AP2A2: variants seen among roughly 807,000 people sequenced by gnomAD.
AP2A2 encodes AP-2 complex subunit alpha-2.
In AP2A2, 32 loss-of-function variants were observed where a neutral mutation model predicts 104.2. The observed-to-expected ratio is 0.31, with a 90% CI of 0.23 to 0.41. AP2A2 has a LOEUF of 0.41. AP2A2 is among the 10% of genes least tolerant of loss of function. AP2A2 has a pLI of 1.00. For synonymous variants in AP2A2, 539 were observed against 533.3 expected, an observed-to-expected ratio of 1.01 and a Z score of -0.15; for missense variants, 912 against 1,261.0, an observed-to-expected ratio of 0.72 and a Z score of 4.19.
At chr11:1,006,401 C>T in intron 16 of AP2A2, 127 bp from the exon 17 acceptor site, 2 of 698,820 alleles carry the variant, frequency 2.9e-6, no homozygotes, top group East Asian at 2.7e-5. Context: ...ATTTTAACAA[C>T]AGTCATACAT....
chr11:979,523 T>G (rs921698256), intron 5 of AP2A2, among the ~76,000 whole-genome samples: 16 of 152,108 alleles, frequency 1.1e-4, no homozygotes, highest in Non-Finnish European at 1.9e-4. Context: ...TGAGGAGCCG[T>G]GGCACAGGGC....
In AP2A2 at chr11:1,011,615, G is replaced by A. The variant is rs544893312; in HGVS notation, c.*990G>A. 30 of 403,634 alleles carry A rather than the reference G, an allele frequency of 7.4e-5. No homozygotes were observed. The highest frequency in any genetic ancestry group is 7.2e-4 in the Admixed American group (25 of 34,714). 25.0% of individuals were successfully genotyped at this position (403,634 alleles called of 1,614,324 possible). A position where few individuals can be genotyped will look rare whatever the true frequency, so the allele number is the denominator to read the frequency against. On this transcript the variant is annotated 3_prime_UTR_variant, in exon 22 of 22. Coordinates refer to ENST00000448903, the MANE Select transcript of AP2A2 (RefSeq NM_012305.4). ...GCTGCACGTCTGACACCTGAGAGGC[G>A]AGAGAGTGGGGCCGGCCTAGGAGCC...
chr11:991,983 G>A (rs1167001061), intron 10 of AP2A2, among the ~76,000 whole-genome samples: 1 of 152,104 alleles, frequency 6.6e-6, no homozygotes, highest in Non-Finnish European at 1.5e-5. Flanking sequence ...TGCCTCCGGG[G>A]GGCACCCGTG....
Position 933,818 on chromosome 11 carries a change from T to C in AP2A2, c.67+7730T>C, listed in dbSNP as rs562377768. The stretch of plus-strand genomic sequence containing the variant: ...GACTTTCTGCCAGCTTTGCACGCTT[T>C]TTCCTGAAACATTGTTGGCAGAGGG... On this transcript the variant is annotated intron_variant, in intron 1 of 21. Coordinates refer to ENST00000448903, the MANE Select transcript of AP2A2 (RefSeq NM_012305.4). Among the ~76,000 whole-genome samples, 199 of 152,266 alleles carry C rather than the reference T, an allele frequency of 1.3e-3. 1 individual carries two copies. The highest frequency in any genetic ancestry group is 4.1e-3 in the African/African-American group (169 of 41,548).
chr11:936,449 A>T (rs1466349469), intron 1 of AP2A2, among the ~76,000 whole-genome samples: 1 of 151,996 alleles, frequency 6.6e-6, no homozygotes, highest in Non-Finnish European at 1.5e-5. Flanking sequence ...GCTGGAGTGC[A>T]ATGTTGCAAT....
rs182546969 is a variant in AP2A2 at position 933,919 on chromosome 11, C to T, written c.67+7831C>T. ...TTTTGGAGCCTGCACTTCCCCTTAC[C>T]TGGTGATTGGAGTGTGGGAATGGTT... is the stretch of plus-strand genomic sequence containing the variant. On this transcript the variant is annotated intron_variant, in intron 1 of 21. Coordinates refer to ENST00000448903, the MANE Select transcript of AP2A2 (RefSeq NM_012305.4). 2.6e-5 allele frequency among the ~76,000 whole-genome samples: 4 copies of T among 152,230 alleles called. No homozygotes were observed. In the East Asian group the frequency reaches 7.7e-4, roughly 29 times the overall value.
At chr11:942,292 C>T (rs1406412296) in intron 1 of AP2A2, 2 of 152,206 alleles carry the variant, frequency 1.3e-5, no homozygotes, top group Admixed American at 1.3e-4. Context: ...GCATGTATTT[C>T]TCAGTGGAAT....
chr11:930,461 G>C (rs1853253222), intron 1 of AP2A2, among the ~76,000 whole-genome samples: 1 of 151,452 alleles, frequency 6.6e-6, no homozygotes, highest in African/African-American at 2.4e-5. Flanking sequence ...TTAATAAACT[G>C]TTTCTTTTTT....
chr11:998,110 G>A (rs1231752054), intron 14 of AP2A2, among the ~76,000 whole-genome samples: 1 of 152,206 alleles, frequency 6.6e-6, no homozygotes, highest in Non-Finnish European at 1.5e-5. Flanking sequence ...CGCTGTCCCC[G>A]GCGTAGGGAG....
In AP2A2 at chr11:993,709, G is replaced by T. The variant is rs776829262; in HGVS notation, c.1551-45G>T. 6.8e-7 allele frequency: 1 copy of T among 1,471,298 alleles called. No individual in the cohort carries two copies. The allele number at this position is 1,471,298 out of a possible 1,614,324, so 91.1% of individuals were successfully genotyped here. On this transcript the variant is annotated intron_variant, in intron 12 of 21. Coordinates refer to ENST00000448903, the MANE Select transcript of AP2A2 (RefSeq NM_012305.4). The surrounding 1 kb of genome is among the most constrained non-coding windows in gnomAD (Gnocchi z 8.2). ...CCCCCGCGGGGGCGTGCTGCAGCCTGCGAGGGGACGACGGTGTCCCTGTGT... is the reference window on the plus strand; with the variant it reads ...CCCCCGCGGGGGCGTGCTGCAGCCTTCGAGGGGACGACGGTGTCCCTGTGT...
Position 981,272 on chromosome 11 carries a change from G to T in AP2A2, c.678G>T (p.Val226=). The change falls in exon 6 of 22, where the codon GTG becomes GTT. Residue 226 remains valine, a synonymous_variant. Transcript: ENST00000448903. ...ACCCAGAAGAGTTTAAAACCTCCGTGTCTCTGGCTGTCTCTAGGCTAAGCA... is the reference window on the plus strand; with the variant it reads ...ACCCAGAAGAGTTTAAAACCTCCGTTTCTCTGGCTGTCTCTAGGCTAAGCA... The part of the protein sequence containing the change: ...QKNPEEFKTS[V]SLAVSRLSRI... The T allele has an allele frequency of 6.2e-7, 1 of 1,613,192 alleles. No homozygotes were observed. Among genetic ancestry groups the T allele is most frequent in the Non-Finnish European group, 8.5e-7 (1 of 1,179,484 alleles).
At position 1,011,119 on chromosome 11, in the gene AP2A2, G is replaced by T; in HGVS notation, c.*494G>T. On this transcript the variant is annotated 3_prime_UTR_variant, in exon 22 of 22. Transcript: ENST00000448903. ...GAGCACAGCTGACCCTGGTTTTGCT[G>T]CAGTCCCAGCTGGACTGTTTTCCCA... 3.5e-6 allele frequency: 2 copies of T among 577,126 alleles called. No individual in the cohort carries two copies. Among genetic ancestry groups the T allele is most frequent in the Non-Finnish European group, 6.7e-6 (2 of 298,412 alleles). The allele number at this position is 577,126 out of a possible 1,614,324, so 35.8% of individuals were successfully genotyped here.
chr11:978,103 C>T (rs558263525), intron 5 of AP2A2, among the ~76,000 whole-genome samples: 2 of 152,250 alleles, frequency 1.3e-5, no homozygotes, highest in South Asian at 2.1e-4. Flanking sequence ...CCAGAGTTGG[C>T]GTGTTGGGGT....
chr11:1,008,605 C>T (rs140210461), intron 18 of AP2A2: 13 of 197,538 alleles, frequency 6.6e-5, no homozygotes, highest in Non-Finnish European at 1.0e-4. Context: ...TCATTACTCT[C>T]ACTTTTCAGT....
At chr11:988,710 A>G (rs1230207275) in intron 10 of AP2A2, 21 bp downstream of exon 10, 1 of 1,612,524 alleles carries the variant, frequency 6.2e-7, no homozygotes, top group African/African-American at 1.3e-5. Context: ...GTGGCCTCTG[A>G]GTCCTCTCCT....
At chr11:1,009,275 G>T in intron 19 of AP2A2, 53 bp from the exon 20 acceptor site, 1 of 1,609,750 alleles carries the variant, frequency 6.2e-7, no homozygotes, top group Non-Finnish European at 8.5e-7. Context: ...TTGAAAAGGT[G>T]GGTTTTGGTC....
At position 1,000,415 on chromosome 11, in the gene AP2A2, C is replaced by G; in HGVS notation, c.1957-17C>G. On this transcript the variant is annotated splice_polypyrimidine_tract_variant and intron_variant, in intron 14 of 21. Transcript: ENST00000448903. Reference sequence around the variant, plus strand: ...CAGGGAGGCTCTCTGCTGATGCTCTCCTTCCTTCTCTTCCAGTCTACGCCT... The same window carrying G: ...CAGGGAGGCTCTCTGCTGATGCTCTGCTTCCTTCTCTTCCAGTCTACGCCT... The G allele has an allele frequency of 6.5e-7, 1 of 1,543,438 alleles. No individual in the cohort carries two copies.
At chr11:960,357 C>G (rs1854389337) in intron 2 of AP2A2, among the ~76,000 whole-genome samples, 1 of 152,188 alleles carries the variant, frequency 6.6e-6, no homozygotes, top group African/African-American at 2.4e-5. Context: ...GTTCTCCTGC[C>G]TCAGCCTCCC....
At chr11:952,747 G>T (rs1854094351) in intron 1 of AP2A2, among the ~76,000 whole-genome samples, 1 of 152,080 alleles carries the variant, frequency 6.6e-6, no homozygotes, top group African/African-American at 2.4e-5. Context: ...TGTTGCTGTG[G>T]GTCAGTTACT....
Sources: allele counts gnomAD v4.1 joint callset (sites outside exome capture counted in the v4.1 genomes callset), GRCh38; gene constraint gnomAD v4.1.1; non-coding constraint Gnocchi (gnomAD v3.1); transcripts MANE v1.5; gene names NCBI Gene and HGNC (gene_info 2026-07-23, HGNC 2026-07-21).